The following SLA variants were observed in gnomAD, a reference collection of about 807,000 sequenced individuals.
SLA encodes the protein Src like adaptor.
Under a neutral mutation model 30.3 loss-of-function variants are expected in SLA, and 16 were observed. That is an observed-to-expected ratio of 0.53 (90% CI 0.36 to 0.80). The LOEUF is 0.80. Among genes scored for constraint, SLA ranks in the 30% least tolerant of loss-of-function variants. The pLI is 0.01. For missense variants in SLA, 310 were observed against 345.2 expected, an observed-to-expected ratio of 0.90 and a Z score of 0.81; for synonymous variants, 143 against 137.8, an observed-to-expected ratio of 1.04 and a Z score of -0.26.
chr8:133,099,599 C>A (rs1848946747), intron 1 of SLA, among the ~76,000 whole-genome samples: 1 of 152,190 alleles, frequency 6.6e-6, no homozygotes, highest in African/African-American at 2.4e-5. Context: ...ATAACACACC[C>A]AAAGTGGACT....
chr8:133,095,335 C>G, intron 1 of SLA: 1 of 1,296,206 alleles, frequency 7.7e-7, no homozygotes, highest in Non-Finnish European at 1.1e-6. Flanking sequence ...CCAACTGGAG[C>G]TGGAACTCAC....
At chr8:133,089,516 C>G (rs1483006970) in intron 1 of SLA, among the ~76,000 whole-genome samples, 2 of 152,196 alleles carry the variant, frequency 1.3e-5, no homozygotes, top group Admixed American at 1.3e-4. Flanking sequence ...GATACCTGCT[C>G]TGTGTCCCAG....
rs139023900 is a variant in SLA at position 133,060,209 on chromosome 8, T to C, written c.-40-9A>G. On this transcript the variant is annotated splice_polypyrimidine_tract_variant and intron_variant, in intron 2 of 8. Transcript: ENST00000338087. ...CTGGTGATGCCCAGAGCCTGTGGTA[T>C]AGGAGACAGACGGGGAAAGTCAACC... is the stretch of plus-strand genomic sequence containing the variant. 2.8e-4 allele frequency: 444 copies of C among 1,613,422 alleles called. No homozygotes were observed. The African/African-American group carries it at 5.2e-3, about 19-fold the overall frequency.
intron 1 of SLA, among the ~76,000 whole-genome samples, chr8:133,101,170 A>C (rs992561079): frequency 1.3e-5 from 2 of 152,062 alleles, no homozygotes; most frequent in Non-Finnish European, 2.9e-5. Flanking sequence ...CCTTACCCCC[A>C]CCATACGCAA....
chr8:133,099,303 C>G (rs141627569), intron 1 of SLA, among the ~76,000 whole-genome samples: 1 of 152,324 alleles, frequency 6.6e-6, no homozygotes, highest in East Asian at 1.9e-4. Flanking sequence ...TTCATTCATT[C>G]CCTTGGGACA....
intron 1 of SLA, among the ~76,000 whole-genome samples, chr8:133,089,670 ACTCC>A (rs1847187689): frequency 6.6e-6 from 1 of 151,308 alleles, no homozygotes; most frequent in Non-Finnish European, 1.5e-5. Flanking sequence ...TCATTTGTTC[ACTCC>A]CTCACTCATA....
chr8:133,094,611 C>A, intron 1 of SLA: 1 of 271,928 alleles, frequency 3.7e-6, no homozygotes, highest in Non-Finnish European at 7.3e-6. Flanking sequence ...ATTTTAAAGT[C>A]CAGCTCCATC....
intron 7 of SLA, 103 bp from the exon 8 acceptor site, chr8:133,040,233 C>A: frequency 2.3e-6 from 3 of 1,289,074 alleles, no homozygotes; most frequent in Non-Finnish European, 1.1e-6. Flanking sequence ...TGGCTGCTGC[C>A]ATGGGGAACT....
At chr8:133,052,327 T>C (rs1840563659) in intron 3 of SLA, among the ~76,000 whole-genome samples, 1 of 152,252 alleles carries the variant, frequency 6.6e-6, no homozygotes, top group South Asian at 2.1e-4. Context: ...GTATTGTTCA[T>C]TTGGGGAAGC....
At position 133,050,858 on chromosome 8, in the gene SLA, G is replaced by C. The variant is rs1354657374; in HGVS notation, c.119C>G (p.Pro40Arg). The change falls in exon 4 of 9, where the codon CCC (proline) becomes CGC (arginine). Residue 40 changes from proline to arginine, a missense_variant. By Grantham distance (103) the Pro-to-Arg change is moderately radical (BLOSUM62 -2). Coordinates refer to ENST00000338087, the MANE Select transcript of SLA (RefSeq NM_001045556.3). ...TTTCTCCCCTCGGCGGAATATCGGG[G>C]GGCTGATGTCAGGAGACGGGTAGTC... Reference protein sequence around the residue: ...LSDYPSPDISPPIFRRGEKLR... With the variant: ...LSDYPSPDISRPIFRRGEKLR... 1 of 1,613,816 alleles carries C rather than the reference G, an allele frequency of 6.2e-7. No homozygotes were observed. Among genetic ancestry groups the C allele is most frequent in the Non-Finnish European group, 8.5e-7 (1 of 1,179,814 alleles).
intron 1 of SLA, among the ~76,000 whole-genome samples, chr8:133,089,126 C>T (rs906810189): frequency 5.9e-5 from 9 of 152,158 alleles, no homozygotes; most frequent in African/African-American, 2.2e-4. Context: ...CACACTACCC[C>T]TTTATCCTTA....
chr8:133,055,365 G>GCA (rs869172140), intron 3 of SLA, among the ~76,000 whole-genome samples: 77 of 62,254 alleles, frequency 1.2e-3, no homozygotes, highest in African/African-American at 2.3e-3. Flanking sequence ...ACGCACGCGC[G>GCA]CACACACACA....
chr8:133,075,540 T>C (rs943173703), intron 1 of SLA, among the ~76,000 whole-genome samples: 9 of 152,258 alleles, frequency 5.9e-5, no homozygotes, highest in African/African-American at 1.9e-4. Flanking sequence ...CTTAAGTTTC[T>C]TGGACATGGT....
chr8:133,050,910 C>T lies in SLA; in HGVS notation c.67G>A (p.Asp23Asn). 6.2e-7 allele frequency: 1 copy of T among 1,610,650 alleles called. No individual in the cohort carries two copies. Among genetic ancestry groups the T allele is most frequent in the Non-Finnish European group, 8.5e-7 (1 of 1,176,872 alleles). ...ERPLPNPEGL[D>N]SDFLAVLSDY... ...CTTAGCACGGCAAGGAAGTCGCTAT[C>T]CAGTCCTGGGGAAACAAAGGCAAGG... The change falls in exon 4 of 9, where the codon GAT becomes AAT. Residue 23 changes from aspartate (D) to asparagine (N), a missense_variant. Physicochemically the swap from Asp to Asn is conservative, Grantham distance 23. Coordinates refer to ENST00000338087, the MANE Select transcript of SLA (RefSeq NM_001045556.3).
At chr8:133,051,240 C>T (rs1316192111) in intron 3 of SLA, among the ~76,000 whole-genome samples, 1 of 152,210 alleles carries the variant, frequency 6.6e-6, no homozygotes. Context: ...ACTAGCCTCA[C>T]CCTCTCCATC....
intron 2 of SLA, among the ~76,000 whole-genome samples, chr8:133,065,555 A>C (rs925698546): frequency 2.0e-5 from 3 of 152,182 alleles, no homozygotes; most frequent in African/African-American, 4.8e-5. Flanking sequence ...TCAGGTCAGG[A>C]GTTCAAGACC....
At chr8:133,057,146 G>A (rs1457937507) in intron 3 of SLA, among the ~76,000 whole-genome samples, 2 of 145,792 alleles carry the variant, frequency 1.4e-5, no homozygotes, top group Admixed American at 6.8e-5. Context: ...ACCCTTGCAC[G>A]GACAGAAAGG....
rs1587824325 is a variant in SLA, at chr8:133,037,099, A to C, written c.*1425T>G. 1 of 152,338 alleles carries C rather than the reference A, an allele frequency of 6.6e-6. No homozygotes were observed. Among genetic ancestry groups the C allele is most frequent in the East Asian group, 1.9e-4 (1 of 5,190 alleles). The allele number at this position is 152,338 out of a possible 1,614,324, so 9.4% of individuals were successfully genotyped here. A position where few individuals can be genotyped will look rare whatever the true frequency, so the allele number is the denominator to read the frequency against. On this transcript the variant is annotated 3_prime_UTR_variant, in exon 9 of 9. Coordinates refer to ENST00000338087, the MANE Select transcript of SLA (RefSeq NM_001045556.3). ...CATACCAGTAGCACGATGAGCTCAG[A>C]TGGACGGAATGCTTATGTGAGCAGA... is the stretch of plus-strand genomic sequence containing the variant.
chr8:133,098,146 C>G (rs1848714779), intron 1 of SLA, among the ~76,000 whole-genome samples: 1 of 152,178 alleles, frequency 6.6e-6, no homozygotes, highest in African/African-American at 2.4e-5. Flanking sequence ...GACAACCATT[C>G]AGGAATCACT....
Sources: allele counts gnomAD v4.1 joint callset (sites outside exome capture counted in the v4.1 genomes callset), GRCh38; gene constraint gnomAD v4.1.1; transcripts MANE v1.5; gene names NCBI Gene and HGNC (gene_info 2026-07-23, HGNC 2026-07-21).